The following SPATC1L variants were observed in gnomAD, a reference collection of about 807,000 sequenced individuals.
SPATC1L encodes speriolin-like protein.
In SPATC1L, 20 loss-of-function variants were observed where a neutral mutation model predicts 21.2. The ratio of observed to expected loss-of-function variants is 0.94; its 90% confidence interval spans 0.66 to 1.37. The LOEUF is 1.37. Among genes scored for constraint, SPATC1L ranks in the 40% most tolerant of loss-of-function variants. SPATC1L has a pLI of 0.00. For missense variants in SPATC1L, 499 were observed against 478.7 expected, an observed-to-expected ratio of 1.04 and a Z score of -0.40; for synonymous variants, 290 against 234.5, an observed-to-expected ratio of 1.24 and a Z score of -2.16.
chr21:46,167,418 A>G (rs2079549329), intron 3 of SPATC1L, among the ~76,000 whole-genome samples: 2 of 152,248 alleles, frequency 1.3e-5, no homozygotes, highest in Admixed American at 1.3e-4. Context: ...ATCCAAAATT[A>G]GAAGAAAAAT....
At chr21:46,179,122 C>G (rs2079653577) in intron 2 of SPATC1L, among the ~76,000 whole-genome samples, 1 of 151,786 alleles carries the variant, frequency 6.6e-6, no homozygotes, top group Non-Finnish European at 1.5e-5. Context: ...GTGGCAAGCA[C>G]TGTAGTCCAA....
At chr21:46,181,256 G>A (rs1196816868) in intron 2 of SPATC1L, among the ~76,000 whole-genome samples, 2 of 152,200 alleles carry the variant, frequency 1.3e-5, no homozygotes, top group African/African-American at 2.4e-5. Context: ...CCCAGCAAAC[G>A]CCCTGTGGTG....
Position 46,182,661 on chromosome 21 carries a change from C to T in SPATC1L, c.156G>A (p.Ala52=), listed in dbSNP as rs754303901. 13 of 1,537,916 alleles carry T rather than the reference C, an allele frequency of 8.5e-6. No homozygotes were observed. The highest frequency in any genetic ancestry group is 4.9e-5 in the East Asian group (2 of 40,722). Residue 52 remains alanine (A), a synonymous_variant, in exon 2 of 5, where the codon GCG becomes GCA. Transcript: ENST00000291672. ...GGGAGCCGGCCTCAGGGTAGGCATGCGCCCTGGGTGGGAGCAGGTCGTGGC... is the reference window on the plus strand; with the variant it reads ...GGGAGCCGGCCTCAGGGTAGGCATGTGCCCTGGGTGGGAGCAGGTCGTGGC... ...GGGHDLLPPR[A]HAYPEAGSPG...
chr21:46,163,686 CATTG>C lies in SPATC1L; in HGVS notation c.545-1623_545-1620del, dbSNP rs1166104744. Among the ~76,000 whole-genome samples, 3 of 152,228 alleles carry C rather than the reference CATTG, an allele frequency of 2.0e-5. No individual in the cohort carries two copies. The East Asian group carries it at 5.8e-4, about 29-fold the overall frequency. On this transcript the variant is annotated intron_variant, in intron 3 of 4. Coordinates refer to ENST00000291672, the MANE Select transcript of SPATC1L (RefSeq NM_001142854.2). ...TATTTCTGACCTTCCCATTCCATTG[CATTG>C]ATCTGTATGTCCATCGTTATGGCAG...
chr21:46,169,476 T>C (rs2079567600), intron 2 of SPATC1L, among the ~76,000 whole-genome samples: 3 of 129,070 alleles, frequency 2.3e-5, no homozygotes, highest in Admixed American at 2.2e-4. Context: ...AGGAGCCTCC[T>C]GCTCTGTGAG....
Position 46,161,278 on chromosome 21 carries a change from G to A in SPATC1L, c.*101C>T. 2 of 1,176,270 alleles carry A rather than the reference G, an allele frequency of 1.7e-6. No homozygotes were observed. The highest frequency in any genetic ancestry group is 2.3e-6 in the Non-Finnish European group (2 of 880,674). 72.9% of individuals were successfully genotyped at this position (1,176,270 alleles called of 1,614,324 possible). ...GCCTTCTCTGGCCTCGCGCGCGGGG[G>A]ACGCGGCCCTTTCCCCTCCGGGGGG... On this transcript the variant is annotated 3_prime_UTR_variant, in exon 5 of 5. Coordinates refer to ENST00000291672, the MANE Select transcript of SPATC1L (RefSeq NM_001142854.2).
At chr21:46,178,232 C>CAAAAAAA (rs59110880) in intron 2 of SPATC1L, among the ~76,000 whole-genome samples, 2 of 39,452 alleles carry the variant, frequency 5.1e-5, no homozygotes, top group African/African-American at 1.1e-4. Context: ...AACTCCATCT[C>CAAAAAAA]AAAAAAAAAA....
rs2079557320 is a variant in SPATC1L, at chr21:46,168,483, T to G, written c.369A>C (p.Pro123=). The G allele has an allele frequency of 1.3e-6, 2 of 1,572,836 alleles. No homozygotes were observed. Among genetic ancestry groups the G allele is most frequent in the African/African-American group, 2.7e-5 (2 of 73,874 alleles). The change falls in exon 3 of 5, where the codon CCA becomes CCC. Residue 123 remains proline (P), a synonymous_variant. Transcript: ENST00000291672. The part of the protein sequence containing the change: ...PFKAFLSPPE[P]HSHRGTDRKL... The stretch of plus-strand genomic sequence containing the variant: ...TCCTGTCGGTGCCTCGGTGGCTATG[T>G]GGCTCTGGGGGACTGAGGAAGGCCT...
chr21:46,177,509 A>G (rs2079640980), intron 2 of SPATC1L, among the ~76,000 whole-genome samples: 1 of 152,256 alleles, frequency 6.6e-6, no homozygotes, highest in Admixed American at 6.5e-5. Flanking sequence ...AAAAAGGCTC[A>G]ACATCACTGC....
chr21:46,182,698 TG>T lies in SPATC1L; in HGVS notation c.118del (p.Gln40ArgfsTer98), dbSNP rs1450467666. 6.5e-7 allele frequency: 1 copy of T among 1,544,862 alleles called. No homozygotes were observed. Among genetic ancestry groups the T allele is most frequent in the Non-Finnish European group, 8.7e-7 (1 of 1,146,564 alleles). On this transcript the variant is annotated frameshift_variant, in exon 2 of 5. Coordinates refer to ENST00000291672, the MANE Select transcript of SPATC1L (RefSeq NM_001142854.2). LOFTEE classifies it high-confidence loss of function. The stretch of plus-strand genomic sequence containing the variant: ...GAGCAGGTCGTGGCCGCCGCCCTCC[TG>T]GCAGCTCTGGCTGAGCAGCCGCCGC... ...MLRRLLSQSC[Q>X]EGGGHDLLPP...
intron 2 of SPATC1L, among the ~76,000 whole-genome samples, chr21:46,181,231 G>A (rs191396525): frequency 1.3e-5 from 2 of 152,318 alleles, no homozygotes; most frequent in Admixed American, 1.3e-4. Flanking sequence ...GCCCAGCACC[G>A]TAAGCGCAGG....
chr21:46,182,625 T>TCCGCTC lies in SPATC1L; in HGVS notation c.186_191dup (p.Ser63_Gly64dup). On this transcript the variant is annotated inframe_insertion and splice_region_variant, in exon 2 of 5. Transcript: ENST00000291672. ...CATCTGAGCTGGGCGGCGCCTCACC[T>TCCGCTC]CCGCTCCCGGGGGAGCCGGCCTCAG... 1 of 1,500,262 alleles carries TCCGCTC rather than the reference T, an allele frequency of 6.7e-7. No homozygotes were observed. Among genetic ancestry groups the TCCGCTC allele is most frequent in the Non-Finnish European group, 8.9e-7 (1 of 1,124,704 alleles). 92.9% of individuals were successfully genotyped at this position (1,500,262 alleles called of 1,614,324 possible).
rs761333673 is a variant in SPATC1L, at chr21:46,182,634, G to C, written c.183C>G (p.Pro61=). The C allele has an allele frequency of 6.6e-7, 1 of 1,512,212 alleles. No individual in the cohort carries two copies. Among genetic ancestry groups the C allele is most frequent in the Admixed American group, 2.1e-5 (1 of 48,210 alleles). The allele number at this position is 1,512,212 out of a possible 1,614,324, so 93.7% of individuals were successfully genotyped here. ...RAHAYPEAGS[P]GSGVPDFGRF... is the part of the protein sequence containing the mutation. ...TGGGCGGCGCCTCACCTCCGCTCCC[G>C]GGGGAGCCGGCCTCAGGGTAGGCAT... The change falls in exon 2 of 5, where the codon CCC becomes CCG. Residue 61 remains proline (P), a synonymous_variant. Transcript: ENST00000291672.
chr21:46,162,098 G>C, intron 3 of SPATC1L, 31 bp from the exon 4 acceptor site: 1 of 1,538,164 alleles, frequency 6.5e-7, no homozygotes, highest in Non-Finnish European at 8.8e-7. Context: ...GACAAGGTCA[G>C]GGGAGCGCGA....
intron 3 of SPATC1L, among the ~76,000 whole-genome samples, chr21:46,162,589 A>ACTTTTT (rs1484735031): frequency 4.0e-5 from 1 of 25,000 alleles, no homozygotes; most frequent in Non-Finnish European, 6.4e-5. Context: ...GGTTGGCAGG[A>ACTTTTT]CTTTTTTTTT....
Position 46,182,650 on chromosome 21 carries a change from G to A in SPATC1L, c.167C>T (p.Pro56Leu). ...TCCGCTCCCGGGGGAGCCGGCCTCA[G>A]GGTAGGCATGCGCCCTGGGTGGGAG... ...DLLPPRAHAY[P>L]EAGSPGSGVP... The change falls in exon 2 of 5, where the codon CCT (proline) becomes CTT (leucine). Residue 56 changes from proline to leucine, a missense_variant. Transcript: ENST00000291672. The A allele has an allele frequency of 6.5e-7, 1 of 1,534,398 alleles. No homozygotes were observed. Among genetic ancestry groups the A allele is most frequent in the Non-Finnish European group, 8.7e-7 (1 of 1,143,156 alleles).
Position 46,182,832 on chromosome 21 carries a change from C to T in SPATC1L, c.-16G>A. ...CTTCAGCCATGGCGGGTGCGTCCCT[C>T]CTTGTCCCTCACGGCTCCTGCAGCC... On this transcript the variant is annotated 5_prime_UTR_variant, in exon 2 of 5. Coordinates refer to ENST00000291672, the MANE Select transcript of SPATC1L (RefSeq NM_001142854.2). 19 of 1,510,180 alleles carry T rather than the reference C, an allele frequency of 1.3e-5. No homozygotes were observed. Among genetic ancestry groups the T allele is most frequent in the Non-Finnish European group, 1.7e-5 (19 of 1,125,504 alleles). The allele number at this position is 1,510,180 out of a possible 1,614,324, so 93.5% of individuals were successfully genotyped here.
Position 46,182,866 on chromosome 21 carries a change from G to A in SPATC1L, c.-50C>T. On this transcript the variant is annotated 5_prime_UTR_variant, in exon 2 of 5. Coordinates refer to ENST00000291672, the MANE Select transcript of SPATC1L (RefSeq NM_001142854.2). Reference sequence around the variant, plus strand: ...TCACGGCTCCTGCAGCCCCATGGAGGTGGGAGCCCAGAGCCCGCAGGCACC... The same window carrying A: ...TCACGGCTCCTGCAGCCCCATGGAGATGGGAGCCCAGAGCCCGCAGGCACC... 6.9e-7 allele frequency: 1 copy of A among 1,457,632 alleles called. No homozygotes were observed. Among genetic ancestry groups the A allele is most frequent in the Non-Finnish European group, 9.1e-7 (1 of 1,101,826 alleles). 90.3% of individuals were successfully genotyped at this position (1,457,632 alleles called of 1,614,324 possible).
Position 46,161,468 on chromosome 21 carries a change from G to T in SPATC1L, c.934C>A (p.Pro312Thr). The change falls in exon 5 of 5, where the codon CCC (proline) becomes ACC (threonine). Residue 312 changes from proline (P) to threonine (T), a missense_variant. Coordinates refer to ENST00000291672, the MANE Select transcript of SPATC1L (RefSeq NM_001142854.2). ...ALRKLVIDVVPPKFLGDSLLL... is the reference protein window; with the variant it reads ...ALRKLVIDVVTPKFLGDSLLL... The stretch of plus-strand genomic sequence containing the variant: ...AGCGAGTCGCCCAGGAACTTGGGGG[G>T]CACCACGTCGATGACCAGCTTGCGC... 1.3e-6 allele frequency: 2 copies of T among 1,596,690 alleles called. No individual in the cohort carries two copies. Among genetic ancestry groups the T allele is most frequent in the Non-Finnish European group, 1.7e-6 (2 of 1,169,588 alleles).
Sources: allele counts gnomAD v4.1 joint callset (sites outside exome capture counted in the v4.1 genomes callset), GRCh38; gene constraint gnomAD v4.1.1; transcripts MANE v1.5; gene names NCBI Gene and HGNC (gene_info 2026-07-23, HGNC 2026-07-21).